The following TXNDC15 variants were observed in gnomAD, a reference collection of about 807,000 sequenced individuals.
TXNDC15 encodes thioredoxin domain-containing protein 15.
TXNDC15 carries 24 observed loss-of-function variants against 35.0 expected under a neutral mutation model. The ratio of observed to expected loss-of-function variants is 0.68; its 90% confidence interval spans 0.50 to 0.96. The LOEUF (loss-of-function observed/expected upper bound fraction) is 0.96, where lower values mean the gene tolerates loss of function less well. TXNDC15 is among the 40% of genes least tolerant of loss of function. The pLI is 0.00. For synonymous variants in TXNDC15, 169 were observed against 174.0 expected (o/e 0.97, Z 0.23); for missense variants, 385 against 453.3 (o/e 0.85, Z 1.37).
At chr5:134,892,048 T>G (rs900887711) in intron 2 of TXNDC15, 1 of 152,232 alleles carries the variant, frequency 6.6e-6, no homozygotes, top group Non-Finnish European at 1.5e-5. Context: ...ATGAAAGTCC[T>G]AGAAGCCACC....
At chr5:134,874,570 G>A (rs1580854516) in intron 1 of TXNDC15, 40 bp downstream of exon 1, 1 of 1,516,996 alleles carries the variant, frequency 6.6e-7, no homozygotes, top group Non-Finnish European at 8.9e-7. Context: ...ATGATGGGGC[G>A]AGCTGAGGTC....
At chr5:134,893,883 A>AT (rs1750438502) in intron 3 of TXNDC15, among the ~76,000 whole-genome samples, 1 of 152,014 alleles carries the variant, frequency 6.6e-6, no homozygotes, top group Non-Finnish European at 1.5e-5. Context: ...TGTGTGGTGG[A>AT]TTTAAAGGTG....
intron 2 of TXNDC15, among the ~76,000 whole-genome samples, chr5:134,891,266 A>G (rs970918811): frequency 1.3e-5 from 2 of 152,216 alleles, no homozygotes; most frequent in Non-Finnish European, 2.9e-5. Flanking sequence ...AGGAATTGCT[A>G]TCTATGGCAA....
chr5:134,893,757 G>T (rs756133842), intron 3 of TXNDC15, 102 bp downstream of exon 3: 1 of 1,473,704 alleles, frequency 6.8e-7, no homozygotes, highest in Non-Finnish European at 9.3e-7. Flanking sequence ...GGGGGGGCAT[G>T]AACTGTGTCC....
intron 2 of TXNDC15, chr5:134,892,413 T>G (rs888221638): frequency 6.6e-6 from 1 of 152,234 alleles, no homozygotes; most frequent in Non-Finnish European, 1.5e-5. Context: ...GGTTTGATCG[T>G]CTATCTATAG....
chr5:134,894,871 C>T (rs886615109), intron 3 of TXNDC15, among the ~76,000 whole-genome samples: 2 of 152,012 alleles, frequency 1.3e-5, no homozygotes, highest in Non-Finnish European at 2.9e-5. Flanking sequence ...GTTGAGTAAA[C>T]TTCCATTACT....
chr5:134,883,025 C>T (rs975523539), intron 1 of TXNDC15, among the ~76,000 whole-genome samples: 7 of 152,236 alleles, frequency 4.6e-5, no homozygotes, highest in African/African-American at 1.4e-4. Context: ...CACGGTGGCT[C>T]ATGCCTGTAA....
intron 1 of TXNDC15, among the ~76,000 whole-genome samples, chr5:134,883,662 C>T (rs1750212053): frequency 6.6e-6 from 1 of 151,296 alleles, no homozygotes; most frequent in Non-Finnish European, 1.5e-5. Flanking sequence ...CCTGTAATCC[C>T]AGCACTTTGG....
chr5:134,886,697 C>T (rs1372592714), intron 1 of TXNDC15, among the ~76,000 whole-genome samples: 1 of 152,256 alleles, frequency 6.6e-6, no homozygotes, highest in East Asian at 1.9e-4. Context: ...TCAGAGGCCA[C>T]CTCAGGAAGG....
At chr5:134,876,254 G>A (rs772593148) in intron 1 of TXNDC15, among the ~76,000 whole-genome samples, 1 of 152,186 alleles carries the variant, frequency 6.6e-6, no homozygotes, top group African/African-American at 2.4e-5. Context: ...ATAAATACCA[G>A]CTGTCCTACC....
At chr5:134,883,711 G>C (rs527791518) in intron 1 of TXNDC15, among the ~76,000 whole-genome samples, 6 of 151,712 alleles carry the variant, frequency 4.0e-5, no homozygotes, top group African/African-American at 1.5e-4. Context: ...CCAGGAGTTT[G>C]AGACCAGCCT....
In TXNDC15 at chr5:134,899,858, C is replaced by T; in HGVS notation, c.*173C>T. ...AAAAAATTATAAACTGGTGTTTTAA[C>T]TAGTATTGCAATAAGCAAATGCAAA... On this transcript the variant is annotated 3_prime_UTR_variant, in exon 5 of 5. Coordinates refer to ENST00000358387, the MANE Select transcript of TXNDC15 (RefSeq NM_024715.4). The T allele has an allele frequency of 1.8e-6, 1 of 560,276 alleles. No individual in the cohort carries two copies. The highest frequency in any genetic ancestry group is 3.0e-6 in the Non-Finnish European group (1 of 332,124). The allele number at this position is 560,276 out of a possible 1,614,324, so 34.7% of individuals were successfully genotyped here. A position where few individuals can be genotyped will look rare whatever the true frequency, so the allele number is the denominator to read the frequency against.
chr5:134,894,706 G>A (rs925799148), intron 3 of TXNDC15, among the ~76,000 whole-genome samples: 5 of 152,022 alleles, frequency 3.3e-5, no homozygotes, highest in African/African-American at 1.2e-4. Context: ...TGTTGAGATG[G>A]TATATGTTTC....
At chr5:134,890,661 T>G (rs1750372359) in intron 2 of TXNDC15, among the ~76,000 whole-genome samples, 2 of 151,972 alleles carry the variant, frequency 1.3e-5, no homozygotes, top group Admixed American at 1.3e-4. Flanking sequence ...CTGCCCACCT[T>G]GGCCTTCCAA....
chr5:134,888,285 G>A, intron 2 of TXNDC15, 103 bp downstream of exon 2: 2 of 1,203,604 alleles, frequency 1.7e-6, no homozygotes, highest in Non-Finnish European at 2.3e-6. Flanking sequence ...TGATCATATT[G>A]TAAGCGAGAT....
intron 2 of TXNDC15, chr5:134,892,286 A>G (rs181252369): frequency 6.6e-6 from 1 of 152,178 alleles, no homozygotes. Context: ...TCATGAGCCA[A>G]CCCCAGCTAA....
intron 1 of TXNDC15, 151 bp from the exon 2 acceptor site, chr5:134,887,544 G>T: frequency 1.0e-6 from 1 of 952,404 alleles, no homozygotes. Context: ...TTCCTAACCT[G>T]GGAAATGGTG....
chr5:134,900,730 T>G lies in TXNDC15; in HGVS notation c.*1045T>G, dbSNP rs1467838749. On this transcript the variant is annotated 3_prime_UTR_variant, in exon 5 of 5. Transcript: ENST00000358387. ...GTAAAACACTGTTCTTGCCCACAAG[T>G]TGATTCTAGTCTAGTTCAAGACACA... 3.9e-5 allele frequency: 6 copies of G among 152,024 alleles called. No individual in the cohort carries two copies. The highest frequency in any genetic ancestry group is 3.9e-4 in the Admixed American group (6 of 15,238). 9.4% of individuals were successfully genotyped at this position (152,024 alleles called of 1,614,324 possible). A position where few individuals can be genotyped will look rare whatever the true frequency, so the allele number is the denominator to read the frequency against.
chr5:134,901,412 A>G lies in TXNDC15; in HGVS notation c.*1727A>G, dbSNP rs1384395105. 6.6e-6 allele frequency: 1 copy of G among 152,172 alleles called. No individual in the cohort carries two copies. Among genetic ancestry groups the G allele is most frequent in the Non-Finnish European group, 1.5e-5 (1 of 68,028 alleles). The allele number at this position is 152,172 out of a possible 1,614,324, so 9.4% of individuals were successfully genotyped here. ...TACACATGAGCAAATTGAGGCATAG[A>G]GAGTTAGATAACTTGCCCAGGTTAC... On this transcript the variant is annotated 3_prime_UTR_variant, in exon 5 of 5. Coordinates refer to ENST00000358387, the MANE Select transcript of TXNDC15 (RefSeq NM_024715.4).
Sources: allele counts gnomAD v4.1 joint callset (sites outside exome capture counted in the v4.1 genomes callset), GRCh38; gene constraint gnomAD v4.1.1; transcripts MANE v1.5; gene names NCBI Gene and HGNC (gene_info 2026-07-23, HGNC 2026-07-21).